The following HMMR variants were observed in gnomAD, a reference collection of about 807,000 sequenced individuals.
The protein encoded by HMMR is intracellular hyaluronic acid-binding protein.
In HMMR, 108 loss-of-function variants were observed where a neutral mutation model predicts 101.0. That is an observed-to-expected ratio of 1.07 (90% CI 0.92 to 1.25). HMMR has a LOEUF of 1.25. HMMR is among the 50% of genes most tolerant of loss of function. HMMR has a pLI of 0.00. For missense variants in HMMR, 813 were observed against 788.7 expected (o/e 1.03, Z -0.37); for synonymous variants, 296 against 276.4 (o/e 1.07, Z -0.70).
At chr5:163,487,815 T>C (rs568071586) in intron 16 of HMMR, among the ~76,000 whole-genome samples, 2 of 152,182 alleles carry the variant, frequency 1.3e-5, no homozygotes, top group East Asian at 1.9e-4. Flanking sequence ...TTCTTTCTTT[T>C]TTTAAATTTT....
intron 11 of HMMR, among the ~76,000 whole-genome samples, chr5:163,477,083 A>G (rs1759091764): frequency 6.6e-6 from 1 of 152,194 alleles, no homozygotes; most frequent in Non-Finnish European, 1.5e-5. Context: ...CTAGTTCCTT[A>G]TAATTTCTGC....
chr5:163,469,248 C>T (rs957130271), intron 4 of HMMR, among the ~76,000 whole-genome samples: 2 of 151,810 alleles, frequency 1.3e-5, no homozygotes, highest in Non-Finnish European at 2.9e-5. Context: ...CTGGTAGTCC[C>T]AGCTATTCGG....
intron 7 of HMMR, among the ~76,000 whole-genome samples, chr5:163,472,638 G>A (rs545944018): frequency 1.1e-4 from 16 of 152,148 alleles, no homozygotes; most frequent in African/African-American, 3.6e-4. Context: ...CTACTAGGTA[G>A]GAAGTGGTAT....
chr5:163,464,604 T>C, intron 2 of HMMR, 119 bp from the exon 3 acceptor site: 1 of 693,582 alleles, frequency 1.4e-6, no homozygotes, highest in Non-Finnish European at 2.5e-6. Context: ...ACAGTGAGAC[T>C]GTCTCAAAAA....
rs566099913 is a variant in HMMR, at chr5:163,484,574, G to T, written c.1962+329G>T. On this transcript the variant is annotated intron_variant, in intron 16 of 17. Transcript: ENST00000393915. ...AGAAGCAGTGTTCAAAAATATTTGG[G>T]CATTTAAATTTTTTAACATATGTAT... Among the ~76,000 whole-genome samples, 27 of 152,168 alleles carry T rather than the reference G, an allele frequency of 1.8e-4. No individual in the cohort carries two copies. The South Asian group carries it at 5.2e-3, about 29-fold the overall frequency.
At position 163,464,821 on chromosome 5, in the gene HMMR, C is replaced by T; in HGVS notation, c.225+19C>T. ...ATCAAAGGTGAGGAGCTTTTATATG[C>T]CAGCTGGTTTATCAAGTGTATCATC... On this transcript the variant is annotated intron_variant, in intron 3 of 17. Coordinates refer to ENST00000393915, the MANE Select transcript of HMMR (RefSeq NM_001142556.2). 6.6e-7 allele frequency: 1 copy of T among 1,505,606 alleles called. No homozygotes were observed. Among genetic ancestry groups the T allele is most frequent in the Non-Finnish European group, 9.2e-7 (1 of 1,082,566 alleles). 93.3% of individuals were successfully genotyped at this position (1,505,606 alleles called of 1,614,324 possible).
intron 3 of HMMR, among the ~76,000 whole-genome samples, chr5:163,467,338 G>T (rs988267059): frequency 1.3e-5 from 2 of 152,044 alleles, no homozygotes; most frequent in African/African-American, 4.8e-5. Context: ...AGTTTAAGTC[G>T]ATTTCTCTTT....
Position 163,484,052 on chromosome 5 carries a change from T to TA in HMMR, c.1786-11dup, listed in dbSNP as rs749306061. 9.9e-6 allele frequency: 15 copies of TA among 1,513,944 alleles called. No individual in the cohort carries two copies. Among genetic ancestry groups the TA allele is most frequent in the African/African-American group, 2.8e-5 (2 of 71,322 alleles). The allele number at this position is 1,513,944 out of a possible 1,614,324, so 93.8% of individuals were successfully genotyped here. A position where few individuals can be genotyped will look rare whatever the true frequency, so the allele number is the denominator to read the frequency against. On this transcript the variant is annotated splice_polypyrimidine_tract_variant and intron_variant, in intron 15 of 17. Coordinates refer to ENST00000393915, the MANE Select transcript of HMMR (RefSeq NM_001142556.2). ...AACTGTTTTAAGTCTTAACTTTATT[T>TA]AAAAAATCTTTTTCAGCTACAACTA...
intron 11 of HMMR, among the ~76,000 whole-genome samples, chr5:163,477,524 G>C (rs995153076): frequency 3.9e-5 from 6 of 152,032 alleles, no homozygotes; most frequent in Non-Finnish European, 5.9e-5. Flanking sequence ...TTGTAATTAG[G>C]GGTGTTGTTC....
chr5:163,467,337 C>T (rs1305415978), intron 3 of HMMR, among the ~76,000 whole-genome samples: 4 of 152,202 alleles, frequency 2.6e-5, no homozygotes, highest in Non-Finnish European at 4.4e-5. Flanking sequence ...AAGTTTAAGT[C>T]GATTTCTCTT....
intron 1 of HMMR, among the ~76,000 whole-genome samples, chr5:163,462,999 T>C (rs1758588630): frequency 6.6e-6 from 1 of 152,172 alleles, no homozygotes; most frequent in East Asian, 1.9e-4. Context: ...ATTAATCTAT[T>C]TGTTCCCAAT....
chr5:163,478,905 C>T (rs1759161276), intron 12 of HMMR, 105 bp downstream of exon 12: 1 of 649,246 alleles, frequency 1.5e-6, no homozygotes, highest in Admixed American at 2.4e-5. Context: ...ATGATTCATA[C>T]TAGTTTAAAT....
At chr5:163,479,864 C>T (rs1561643587) in intron 12 of HMMR, among the ~76,000 whole-genome samples, 1 of 152,038 alleles carries the variant, frequency 6.6e-6, no homozygotes, top group Non-Finnish European at 1.5e-5. Flanking sequence ...CCTCCCATGC[C>T]TTCTACTTAT....
At chr5:163,463,241 TCA>T (rs892988560) in intron 1 of HMMR, among the ~76,000 whole-genome samples, 36 of 152,352 alleles carry the variant, frequency 2.4e-4, no homozygotes, top group African/African-American at 8.2e-4. Context: ...CTATAAATTA[TCA>T]CACAGGATTC....
At chr5:163,474,035 C>A in intron 9 of HMMR, 22 bp from the exon 10 acceptor site, 1 of 1,594,604 alleles carries the variant, frequency 6.3e-7, no homozygotes, top group Non-Finnish European at 8.6e-7. Flanking sequence ...TTCCAGTATT[C>A]TTGATGTTTT....
chr5:163,487,428 T>C (rs1188966544), intron 16 of HMMR, among the ~76,000 whole-genome samples: 2 of 152,150 alleles, frequency 1.3e-5, no homozygotes, highest in Non-Finnish European at 2.9e-5. Context: ...ATCAGGGTAA[T>C]GGTGACATCA....
chr5:163,473,925 G>C, intron 9 of HMMR, 132 bp from the exon 10 acceptor site: 1 of 712,092 alleles, frequency 1.4e-6, no homozygotes, highest in Non-Finnish European at 2.4e-6. Context: ...ATGATACAAA[G>C]TTCACAGTTT....
chr5:163,473,557 G>A lies in HMMR; in HGVS notation c.904G>A (p.Glu302Lys). 1 of 1,543,424 alleles carries A rather than the reference G, an allele frequency of 6.5e-7. No individual in the cohort carries two copies. ...VKCQLLEKEK[E>K]DHVNRNREHN... is the part of the protein sequence containing the mutation. ...ATGTCAGCTGCTTGAAAAAGAAAAA[G>A]GTATTACAGTGTTTTATAGTTACTT... Residue 302 changes from glutamate to lysine, a missense_variant and splice_region_variant, in exon 9 of 18, where the codon GAA becomes AAA. Glu to Lys is a moderately conservative substitution (Grantham distance 56, BLOSUM62 1). Coordinates refer to ENST00000393915, the MANE Select transcript of HMMR (RefSeq NM_001142556.2).
intron 10 of HMMR, 98 bp downstream of exon 10, chr5:163,474,303 C>A: frequency 2.3e-6 from 2 of 873,386 alleles, no homozygotes; most frequent in Non-Finnish European, 3.5e-6. Context: ...TTTGATCTAC[C>A]AATTCTATCT....
Sources: gnomAD v4.1 joint callset for allele counts (sites outside exome capture counted in the v4.1 genomes callset) on GRCh38, gnomAD v4.1.1 for gene constraint, MANE v1.5 for transcripts, NCBI Gene and HGNC (gene_info 2026-07-23, HGNC 2026-07-21) for gene names.